Variants in TNFAIP3 observed in about 807,000 individuals in gnomAD.
TNFAIP3 encodes TNF alpha induced protein 3.
A neutral mutation model predicts 72.4 loss-of-function variants in TNFAIP3; 9 were observed. The observed-to-expected ratio is 0.12, with a 90% confidence interval of 0.07 to 0.22. The LOEUF (loss-of-function observed/expected upper bound fraction) is 0.22, where lower values mean the gene tolerates loss of function less well. TNFAIP3 is among the 10% of genes least tolerant of loss of function. The probability of loss-of-function intolerance (pLI) is 1.00; values close to 1 mark genes in which losing one functional copy is unlikely to be tolerated. For synonymous variants in TNFAIP3, 339 were observed against 372.6 expected, an observed-to-expected ratio of 0.91 and a Z score of 1.04; for missense variants, 833 against 1,018.7, an observed-to-expected ratio of 0.82 and a Z score of 2.48.
Position 137,871,340 on chromosome 6 carries a change from A to G in TNFAIP3, c.113A>G (p.His38Arg). Residue 38 changes from histidine (H) to arginine (R), a missense_variant, in exon 2 of 9, where the codon CAT (histidine) becomes CGT (arginine). Around this residue, in one of 2 missense-constraint regions of TNFAIP3, gnomAD observed 246 missense variants for 360.9 expected, o/e 0.68. Coordinates refer to ENST00000612899, the MANE Select transcript of TNFAIP3 (RefSeq NM_001270508.2). This position sits in a 1 kb window ranked among gnomAD's most constrained non-coding sequence, Gnocchi z 4.2. The part of the protein sequence containing the change: ...DIFKPTNGII[H>R]HFKTMHRYTL... The stretch of plus-strand genomic sequence containing the variant: ...TTTAAACCTACTAATGGGATCATTC[A>G]TCATTTTAAAACCATGCACCGATAC... The G allele has an allele frequency of 6.2e-7, 1 of 1,614,206 alleles. No homozygotes were observed. The highest frequency in any genetic ancestry group is 8.5e-7 in the Non-Finnish European group (1 of 1,180,030).
rs991824779 is a variant in TNFAIP3, at chr6:137,881,651, C to T, written c.*332C>T. 7.1e-5 allele frequency: 21 copies of T among 295,828 alleles called. No homozygotes were observed. Among genetic ancestry groups the T allele is most frequent in the African/African-American group, 4.0e-4 (19 of 47,224 alleles). 18.3% of individuals were successfully genotyped at this position (295,828 alleles called of 1,614,324 possible). On this transcript the variant is annotated 3_prime_UTR_variant, in exon 9 of 9. Transcript: ENST00000612899. This position sits in a 1 kb window ranked among gnomAD's most constrained non-coding sequence, Gnocchi z 5.0. The stretch of plus-strand genomic sequence containing the variant: ...GACTGGCCGAGGCCCCTGCACCCTG[C>T]GCATCAGGACTGCTTCATCGTCTTG...
In TNFAIP3 at chr6:137,878,552, C is replaced by G. The variant is rs1474050669; in HGVS notation, c.1107C>G (p.Ala369=). The G allele has an allele frequency of 1.2e-6, 2 of 1,614,222 alleles. No homozygotes were observed. The highest frequency in any genetic ancestry group is 1.7e-6 in the Non-Finnish European group (2 of 1,180,042). The part of the protein sequence containing the change: ...NSEQGRREGH[A]QNPMEPSVPQ... Reference sequence around the variant, plus strand: ...AGCAGGGGAGGAGAGAGGGGCACGCCCAGAATCCCATGGAACCTTCCGTGC... The same window carrying G: ...AGCAGGGGAGGAGAGAGGGGCACGCGCAGAATCCCATGGAACCTTCCGTGC... The change falls in exon 7 of 9, where the codon GCC becomes GCG. Residue 369 remains alanine (A), a synonymous_variant. Coordinates refer to ENST00000612899, the MANE Select transcript of TNFAIP3 (RefSeq NM_001270508.2).
chr6:137,878,326 C>G, intron 6 of TNFAIP3, 106 bp from the exon 7 acceptor site: 2 of 1,004,524 alleles, frequency 2.0e-6, no homozygotes, highest in Non-Finnish European at 2.9e-6. Flanking sequence ...TTCTACAATT[C>G]TTGCCATAAT....
At chr6:137,873,235 AAATT>A (rs1312913549) in intron 2 of TNFAIP3, among the ~76,000 whole-genome samples, 2 of 152,228 alleles carry the variant, frequency 1.3e-5, no homozygotes, top group Non-Finnish European at 2.9e-5. Context: ...TTTTAAAAAA[AAATT>A]AATCCTTCCC....
In TNFAIP3 at chr6:137,879,178, C is replaced by T. The variant is rs2114504624; in HGVS notation, c.1733C>T (p.Ser578Phe). ...SRLVRSPSPH[S>F]CHRAGNDAPA... Reference sequence around the variant, plus strand: ...CTCGTCCGGAGCCCCTCCCCGCATTCTTGCCACAGAGCTGGAAACGACGCC... The same window carrying T: ...CTCGTCCGGAGCCCCTCCCCGCATTTTTGCCACAGAGCTGGAAACGACGCC... The change falls in exon 7 of 9, where the codon TCT (serine) becomes TTT (phenylalanine). Residue 578 changes from serine (S) to phenylalanine (F), a missense_variant. This residue lies in a region of TNFAIP3 where 587 missense variants were observed against 657.8 expected (regional missense o/e 0.89). Transcript: ENST00000612899. The T allele has an allele frequency of 6.2e-7, 1 of 1,614,194 alleles. No individual in the cohort carries two copies. Among genetic ancestry groups the T allele is most frequent in the Non-Finnish European group, 8.5e-7 (1 of 1,180,042 alleles).
chr6:137,877,081 C>G lies in TNFAIP3; in HGVS notation c.811C>G (p.Arg271Gly). 1 of 1,585,424 alleles carries G rather than the reference C, an allele frequency of 6.3e-7. No individual in the cohort carries two copies. Among genetic ancestry groups the G allele is most frequent in the Non-Finnish European group, 8.6e-7 (1 of 1,165,078 alleles). Reference protein sequence around the residue: ...VTLKDSGPEIRAVPLVNRDRG... With the variant: ...VTLKDSGPEIGAVPLVNRDRG... ...TGTATTATTTTTTTCCTTAGAAATC[C>G]GAGCTGTTCCACTTGTTAACAGAGA... Residue 271 changes from arginine (R) to glycine (G), a missense_variant, in exon 6 of 9, where the codon CGA (arginine) becomes GGA (glycine). Coordinates refer to ENST00000612899, the MANE Select transcript of TNFAIP3 (RefSeq NM_001270508.2).
At chr6:137,880,990 A>G in intron 8 of TNFAIP3, 45 bp from the exon 9 acceptor site, 1 of 1,543,322 alleles carries the variant, frequency 6.5e-7, no homozygotes, top group Non-Finnish European at 8.8e-7. Flanking sequence ...AATGTGAGCA[A>G]TAGTTTCCTG....
intron 2 of TNFAIP3, among the ~76,000 whole-genome samples, chr6:137,873,842 A>T (rs1335215697): frequency 6.6e-6 from 1 of 152,182 alleles, no homozygotes; most frequent in Non-Finnish European, 1.5e-5. Context: ...TTACAGTTTG[A>T]CTGTAATTAC....
chr6:137,878,363 G>C (rs1289413859), intron 6 of TNFAIP3, 69 bp from the exon 7 acceptor site: 3 of 1,379,254 alleles, frequency 2.2e-6, no homozygotes, highest in Non-Finnish European at 3.0e-6. Flanking sequence ...TGTTCTATGA[G>C]CTAATGATGT....
At chr6:137,876,678 C>A in intron 5 of TNFAIP3, among the ~76,000 whole-genome samples, 1 of 152,160 alleles carries the variant, frequency 6.6e-6, no homozygotes, top group East Asian at 1.9e-4. Flanking sequence ...CATTTTTATC[C>A]TTTTAGCACT....
intron 2 of TNFAIP3, among the ~76,000 whole-genome samples, chr6:137,873,288 G>A (rs139691717): frequency 0.01 from 1,591 of 152,290 alleles, 10 homozygotes; most frequent in Non-Finnish European, 0.015. Context: ...TCTGTTTGGG[G>A]AGGGGGTGAT....
chr6:137,867,065 G>A (rs1238191960), upstream of TNFAIP3: 2 of 148,788 alleles, frequency 1.3e-5, no homozygotes, highest in Non-Finnish European at 3.0e-5. The surrounding 1 kb of genome is among the most constrained non-coding windows in gnomAD (Gnocchi z 6.0). Context: ...GGCGGGGCAG[G>A]GAAAGGGGGC....
intron 2 of TNFAIP3, among the ~76,000 whole-genome samples, chr6:137,873,305 G>A (rs1414594684): frequency 6.6e-6 from 1 of 152,170 alleles, no homozygotes; most frequent in East Asian, 1.9e-4. Flanking sequence ...TGATTCACAA[G>A]TTTGCATTTG....
At chr6:137,876,900 G>A (rs556368146) in intron 5 of TNFAIP3, among the ~76,000 whole-genome samples, 176 bp from the exon 6 acceptor site, 5 of 152,290 alleles carry the variant, frequency 3.3e-5, no homozygotes, top group South Asian at 2.1e-4. Flanking sequence ...TGGAAACAGT[G>A]CATTTTTATA....
intron 7 of TNFAIP3, among the ~76,000 whole-genome samples, chr6:137,879,677 T>C (rs1044283232): frequency 3.9e-5 from 6 of 152,342 alleles, no homozygotes; most frequent in African/African-American, 1.2e-4. Context: ...AGACTTATTT[T>C]GCAACTTAGA....
rs769627029 is a variant in TNFAIP3 at position 137,878,618 on chromosome 6, C to A, written c.1173C>A (p.Asn391Lys). ...SLMDVKCETP[N>K]CPFFMSVNTQ... ...TGGATGTAAAATGTGAAACGCCCAA[C>A]TGCCCCTTCTTCATGTCTGTGAACA... The change falls in exon 7 of 9, where the codon AAC becomes AAA. Residue 391 changes from asparagine (N) to lysine (K), a missense_variant. By Grantham distance (94) the Asn-to-Lys change is moderately conservative. Around this residue, in one of 2 missense-constraint regions of TNFAIP3, gnomAD observed 587 missense variants for 657.8 expected, o/e 0.89. Transcript: ENST00000612899. 1.2e-6 allele frequency: 2 copies of A among 1,614,262 alleles called. No individual in the cohort carries two copies. The highest frequency in any genetic ancestry group is 1.7e-6 in the Non-Finnish European group (2 of 1,180,046).
In TNFAIP3 at chr6:137,871,601, A is replaced by G. The variant is rs1776067240; in HGVS notation, c.295+79A>G. 3 of 1,494,862 alleles carry G rather than the reference A, an allele frequency of 2.0e-6. No individual in the cohort carries two copies. Among genetic ancestry groups the G allele is most frequent in the Admixed American group, 2.0e-5 (1 of 50,030 alleles). The allele number at this position is 1,494,862 out of a possible 1,614,324, so 92.6% of individuals were successfully genotyped here. A position where few individuals can be genotyped will look rare whatever the true frequency, so the allele number is the denominator to read the frequency against. On this transcript the variant is annotated intron_variant, in intron 2 of 8. Coordinates refer to ENST00000612899, the MANE Select transcript of TNFAIP3 (RefSeq NM_001270508.2). The surrounding 1 kb of genome is among the most constrained non-coding windows in gnomAD (Gnocchi z 4.2). ...GGATCCCCATTCATGAAGCTTTAATAGGACAAGCCCAAACTCAAATCAATC... is the reference window on the plus strand; with the variant it reads ...GGATCCCCATTCATGAAGCTTTAATGGGACAAGCCCAAACTCAAATCAATC...
rs2114505725 is a variant in TNFAIP3 at position 137,879,259 on chromosome 6, G to A, written c.1814G>A (p.Ser605Asn). Residue 605 changes from serine (S) to asparagine (N), a missense_variant, in exon 7 of 9, where the codon AGC becomes AAC. Coordinates refer to ENST00000612899, the MANE Select transcript of TNFAIP3 (RefSeq NM_001270508.2). ...ACTCCTGGGGACAGGACGGGGACGA[G>A]CAAGTGCAGAAAAGCCGGCTGCGTG... ...ARTPGDRTGTSKCRKAGCVYF... is the reference protein window; with the variant it reads ...ARTPGDRTGTNKCRKAGCVYF... 2 of 1,614,208 alleles carry A rather than the reference G, an allele frequency of 1.2e-6. No homozygotes were observed. Among genetic ancestry groups the A allele is most frequent in the Admixed American group, 1.7e-5 (1 of 60,032 alleles).
chr6:137,879,454 T>G (rs1776375622), intron 7 of TNFAIP3, 103 bp downstream of exon 7: 1 of 1,337,788 alleles, frequency 7.5e-7, no homozygotes, highest in African/African-American at 1.5e-5. Context: ...CAGGCAGAAC[T>G]GTCAGGACCT....
Sources: gnomAD v4.1 joint callset for allele counts (sites outside exome capture counted in the v4.1 genomes callset) on GRCh38, gnomAD v4.1.1 for gene constraint, gnomAD v4.1.1 regional missense constraint, Gnocchi (gnomAD v3.1) non-coding constraint, MANE v1.5 for transcripts, NCBI Gene and HGNC (gene_info 2026-07-23, HGNC 2026-07-21) for gene names.